GRIP1: variants seen among roughly 807,000 people sequenced by gnomAD.
GRIP1 encodes the protein glutamate receptor interacting protein 1, also known as glutamate receptor-interacting protein 1.
GRIP1 carries 45 observed loss-of-function variants against 129.9 expected under a neutral mutation model. That is an observed-to-expected ratio of 0.35 (90% CI 0.27 to 0.44). The LOEUF is 0.44. Ranked by LOEUF, GRIP1 falls within the 20% of genes least tolerant of loss-of-function variation. The pLI, the probability that GRIP1 is intolerant of heterozygous loss-of-function variation, is 1.00. For missense variants in GRIP1, 1,196 were observed against 1,396.8 expected, an observed-to-expected ratio of 0.86 and a Z score of 2.29; for synonymous variants, 530 against 520.8, an observed-to-expected ratio of 1.02 and a Z score of -0.24.
chr12:66,939,699 A>C (rs938742301), intron 1 of GRIP1, among the ~76,000 whole-genome samples: 2 of 150,632 alleles, frequency 1.3e-5, no homozygotes, highest in African/African-American at 4.9e-5. Context: ...TCGTCTGCCA[A>C]AAAAAAAAGT....
At chr12:66,531,065 T>A (rs114059883) in intron 4 of GRIP1, among the ~76,000 whole-genome samples, 1 of 151,454 alleles carries the variant, frequency 6.6e-6, no homozygotes, top group Non-Finnish European at 1.5e-5. Flanking sequence ...TGAAACCTCA[T>A]CTCTACTAAA....
At chr12:66,951,192 C>T (rs759830601) in intron 1 of GRIP1, among the ~76,000 whole-genome samples, 13 of 152,138 alleles carry the variant, frequency 8.5e-5, no homozygotes, top group Non-Finnish European at 1.9e-4. Context: ...ATAATGAAGA[C>T]TCAACTATAT....
At chr12:66,671,293 G>C (rs544047636) in intron 1 of GRIP1, among the ~76,000 whole-genome samples, 1 of 152,094 alleles carries the variant, frequency 6.6e-6, no homozygotes, top group East Asian at 1.9e-4. Context: ...CTGTCTCTGT[G>C]ACAAGAGTGT....
intron 15 of GRIP1, among the ~76,000 whole-genome samples, chr12:66,418,378 G>T (rs2057684487): frequency 6.6e-6 from 1 of 152,010 alleles, no homozygotes; most frequent in African/African-American, 2.4e-5. Flanking sequence ...CATTGCTCTG[G>T]GCAAATATGT....
chr12:66,921,136 T>C (rs1345797160), intron 1 of GRIP1, among the ~76,000 whole-genome samples: 1 of 152,178 alleles, frequency 6.6e-6, no homozygotes, highest in African/African-American at 2.4e-5. Flanking sequence ...TAGATGGACA[T>C]AATAGATGAC....
At chr12:66,749,192 C>T (rs559325108) in intron 1 of GRIP1, among the ~76,000 whole-genome samples, 3 of 152,290 alleles carry the variant, frequency 2.0e-5, no homozygotes, top group African/African-American at 7.2e-5. Flanking sequence ...ATGTGAACTA[C>T]TCACGAAGAA....
upstream of GRIP1, among the ~76,000 whole-genome samples, chr12:66,806,905 G>C (rs2136938114): frequency 6.6e-6 from 1 of 152,008 alleles, no homozygotes. Flanking sequence ...GGGAGGAGGA[G>C]TTCAGAGTTT....
intron 1 of GRIP1, among the ~76,000 whole-genome samples, chr12:66,887,765 G>C (rs1056668618): frequency 6.6e-6 from 1 of 152,102 alleles, no homozygotes; most frequent in Non-Finnish European, 1.5e-5. Flanking sequence ...TATACTAAAA[G>C]AAACAGAGAG....
At chr12:66,643,361 T>C (rs2032094923) in intron 1 of GRIP1, among the ~76,000 whole-genome samples, 1 of 152,324 alleles carries the variant, frequency 6.6e-6, no homozygotes, top group South Asian at 2.1e-4. Context: ...AACTAAAATG[T>C]CTTGAGACAA....
intron 1 of GRIP1, among the ~76,000 whole-genome samples, chr12:66,882,013 C>A (rs866884972): frequency 6.6e-6 from 1 of 152,008 alleles, no homozygotes; most frequent in African/African-American, 2.4e-5. Flanking sequence ...TTTTTCCTAT[C>A]CCCTGTTCTG....
chr12:66,710,967 T>C (rs1303869750), intron 1 of GRIP1, among the ~76,000 whole-genome samples: 2 of 151,812 alleles, frequency 1.3e-5, no homozygotes, highest in African/African-American at 4.8e-5. Context: ...TACTAGATAA[T>C]ATGGTATGTT....
At chr12:66,487,856 T>G (rs1431235179) in intron 7 of GRIP1, among the ~76,000 whole-genome samples, 1 of 150,850 alleles carries the variant, frequency 6.6e-6, no homozygotes, top group African/African-American at 2.5e-5. Context: ...AAAACAGACT[T>G]TAAACCAACA....
At chr12:66,544,285 G>A (rs1565846734) in intron 2 of GRIP1, among the ~76,000 whole-genome samples, 1 of 151,708 alleles carries the variant, frequency 6.6e-6, no homozygotes, top group Non-Finnish European at 1.5e-5. Flanking sequence ...AGTTAATTGA[G>A]TAATTTGTGC....
In GRIP1 at chr12:66,796,638, C is replaced by T. The variant is rs560891566; in HGVS notation, c.-420+7415G>A. Among the ~76,000 whole-genome samples, 50 of 152,246 alleles carry T rather than the reference C, an allele frequency of 3.3e-4. No individual in the cohort carries two copies. In the South Asian group the frequency reaches 4.4e-3, roughly 13 times the overall value. On this transcript the variant is annotated intron_variant, in intron 1 of 4. Coordinates refer to the GRIP1 transcript ENST00000538373. ...TTCTGTTTTCTTTTTAGCTTGCTGA[C>T]TCCACTAGGGCAAGGACCTCCTCTG...
chr12:67,065,601 T>C (rs1056216568), intron 1 of GRIP1, among the ~76,000 whole-genome samples: 1 of 152,268 alleles, frequency 6.6e-6, no homozygotes, highest in Admixed American at 6.5e-5. Context: ...TCCTCAATAA[T>C]AAAAATGCCA....
rs1192789540 is a variant in GRIP1, at chr12:66,445,618, G to A, written c.1355-110C>T. 7.0e-6 allele frequency: 5 copies of A among 711,070 alleles called. No individual in the cohort carries two copies. The African/African-American group carries it at 8.9e-5, about 13-fold the overall frequency. 44.0% of individuals were successfully genotyped at this position (711,070 alleles called of 1,614,324 possible). On this transcript the variant is annotated intron_variant, in intron 11 of 24. Coordinates refer to ENST00000359742, the MANE Select transcript of GRIP1 (RefSeq NM_001366722.1). ...CATAAAAACTGAATGGCAATGGTGG[G>A]AGGTTAAATTATGGCCTCTGGTTTA...
At chr12:66,399,360 G>A (rs906837543) in intron 16 of GRIP1, among the ~76,000 whole-genome samples, 1 of 151,864 alleles carries the variant, frequency 6.6e-6, no homozygotes, top group Admixed American at 6.5e-5. Context: ...GGAGATTGAA[G>A]CACTCCTAGA....
intron 1 of GRIP1, among the ~76,000 whole-genome samples, chr12:66,909,671 G>C (rs977475665): frequency 9.9e-5 from 15 of 152,254 alleles, no homozygotes; most frequent in African/African-American, 3.6e-4. Flanking sequence ...TGCTGTAATG[G>C]AGGTAGAGAC....
chr12:67,013,975 C>T (rs561178234), intron 1 of GRIP1, among the ~76,000 whole-genome samples: 18 of 152,310 alleles, frequency 1.2e-4, no homozygotes, highest in African/African-American at 4.3e-4. Context: ...AAGATGCTCT[C>T]TTTTCTGCTG....
Sources: allele counts gnomAD v4.1 joint callset (sites outside exome capture counted in the v4.1 genomes callset), GRCh38; gene constraint gnomAD v4.1.1; transcripts MANE v1.5; gene names NCBI Gene and HGNC (gene_info 2026-07-23, HGNC 2026-07-21).